EVI5: variants seen among roughly 807,000 people sequenced by gnomAD.
EVI5 encodes ecotropic viral integration site 5 protein homolog.
In EVI5, 73 loss-of-function variants were observed where a neutral mutation model predicts 112.0. The observed-to-expected ratio is 0.65, with a 90% confidence interval of 0.54 to 0.79. EVI5 has a LOEUF of 0.79. EVI5 is among the 30% of genes least tolerant of loss of function. The probability of loss-of-function intolerance (pLI) is 0.00; values close to 1 mark genes in which losing one functional copy is unlikely to be tolerated. For missense variants in EVI5, 900 were observed against 968.8 expected, an observed-to-expected ratio of 0.93 and a Z score of 0.94; for synonymous variants, 305 against 319.9, an observed-to-expected ratio of 0.95 and a Z score of 0.50.
chr1:92,525,047 C>T (rs1275397856), intron 19 of EVI5, among the ~76,000 whole-genome samples: 3 of 151,948 alleles, frequency 2.0e-5, no homozygotes, highest in African/African-American at 4.8e-5. Context: ...AGGCTGCTCT[C>T]GAACTCCTGA....
intron 19 of EVI5, among the ~76,000 whole-genome samples, chr1:92,524,119 A>G (rs1661435663): frequency 1.3e-5 from 2 of 151,100 alleles, no homozygotes; most frequent in Admixed American, 1.3e-4. Context: ...AGAAAAAAAA[A>G]AAAGAAACTG....
rs116721346 is a variant in EVI5 at position 92,643,660 on chromosome 1, C to T, written c.1393-7324G>A. On this transcript the variant is annotated intron_variant, in intron 13 of 19. Transcript: ENST00000684568. Reference sequence around the variant, plus strand: ...GAAGCAGTGATCTACTAAAGACAATCATTCTATAACTGGAACTGCAGAAAC... The same window carrying T: ...GAAGCAGTGATCTACTAAAGACAATTATTCTATAACTGGAACTGCAGAAAC... 6.0e-3 allele frequency among the ~76,000 whole-genome samples: 919 copies of T among 152,290 alleles called. 10 individuals are homozygous for T. Among genetic ancestry groups the T allele is most frequent in the African/African-American group, 0.021 (891 of 41,562 alleles).
At chr1:92,765,432 A>G (rs1682477826) in intron 1 of EVI5, among the ~76,000 whole-genome samples, 2 of 151,436 alleles carry the variant, frequency 1.3e-5, no homozygotes, top group East Asian at 3.9e-4. Context: ...CCACCAAAAC[A>G]TATAGCAAGT....
chr1:92,675,804 A>C (rs942197607), intron 10 of EVI5, among the ~76,000 whole-genome samples: 1 of 151,902 alleles, frequency 6.6e-6, no homozygotes, highest in Non-Finnish European at 1.5e-5. Flanking sequence ...AAAATACAAA[A>C]AATTAGGCGG....
At chr1:92,643,161 G>C (rs1337287253) in intron 13 of EVI5, among the ~76,000 whole-genome samples, 1 of 151,940 alleles carries the variant, frequency 6.6e-6, no homozygotes, top group Admixed American at 6.6e-5. Flanking sequence ...GGGCTTCTTG[G>C]AAAAACTCAT....
At chr1:92,635,225 A>T (rs1356707718) in intron 14 of EVI5, among the ~76,000 whole-genome samples, 1 of 152,148 alleles carries the variant, frequency 6.6e-6, no homozygotes, top group Non-Finnish European at 1.5e-5. Context: ...AGGGACATTT[A>T]AGTCTGCAGA....
rs759853633 is a variant in EVI5, at chr1:92,625,826, G to A, written c.1636C>T (p.Gln546Ter). The A allele has an allele frequency of 1.9e-6, 3 of 1,612,978 alleles. No individual in the cohort carries two copies. In the South Asian group the frequency reaches 3.3e-5, roughly 18 times the overall value. Residue 546 changes from glutamine (Q) to a stop codon, truncating the protein, a stop_gained, in exon 15 of 20, where the codon CAG (glutamine) becomes TAG (stop). Transcript: ENST00000684568. LOFTEE classifies it high-confidence loss of function. ...EAIMGLKELR[Q>*]QVKDLEEHWQ... The stretch of plus-strand genomic sequence containing the variant: ...TGTTCCTCTAAATCCTTGACTTGCT[G>A]TCTAAGTTCTTTCAAACCCATAATG...
chr1:92,661,537 G>C (rs1188068038), intron 13 of EVI5, among the ~76,000 whole-genome samples: 1 of 151,746 alleles, frequency 6.6e-6, no homozygotes, highest in Non-Finnish European at 1.5e-5. Context: ...ACTTATTTCA[G>C]GTAAATTCCT....
intron 1 of EVI5, among the ~76,000 whole-genome samples, chr1:92,739,652 G>T (rs1381987489): frequency 6.6e-6 from 1 of 151,982 alleles, no homozygotes; most frequent in Non-Finnish European, 1.5e-5. Context: ...TACAATAGTT[G>T]AATACAATCT....
At chr1:92,724,546 G>A (rs1302161555) in intron 2 of EVI5, among the ~76,000 whole-genome samples, 1 of 152,062 alleles carries the variant, frequency 6.6e-6, no homozygotes, top group African/African-American at 2.4e-5. Flanking sequence ...ACTCATTCAT[G>A]CCTGTAATTC....
At chr1:92,580,309 T>C (rs1468032089) in intron 18 of EVI5, among the ~76,000 whole-genome samples, 2 of 152,224 alleles carry the variant, frequency 1.3e-5, no homozygotes, top group East Asian at 3.8e-4. Flanking sequence ...CTAGTGATCC[T>C]GATTCATATA....
chr1:92,760,994 C>T (rs1681759875), intron 1 of EVI5, among the ~76,000 whole-genome samples: 1 of 147,172 alleles, frequency 6.8e-6, no homozygotes, highest in African/African-American at 2.5e-5. Context: ...GGAGGCGGAG[C>T]CTGCAGTGAG....
intron 18 of EVI5, among the ~76,000 whole-genome samples, chr1:92,584,264 G>A (rs922537141): frequency 7.2e-5 from 11 of 151,938 alleles, no homozygotes; most frequent in African/African-American, 2.4e-4. Context: ...GTTAAATAAT[G>A]CTTTTTTTTT....
chr1:92,558,910 C>G (rs1256446226), intron 19 of EVI5, among the ~76,000 whole-genome samples: 1 of 150,814 alleles, frequency 6.6e-6, no homozygotes, highest in African/African-American at 2.4e-5. Context: ...AAACCCCTAA[C>G]AACAACAACA....
intron 18 of EVI5, among the ~76,000 whole-genome samples, chr1:92,600,547 T>C (rs1227246796): frequency 6.6e-6 from 1 of 152,184 alleles, no homozygotes; most frequent in African/African-American, 2.4e-5. Context: ...CCCAACCTTT[T>C]TGGTACTAGT....
intron 16 of EVI5, among the ~76,000 whole-genome samples, chr1:92,615,596 A>C (rs985744972): frequency 1.3e-5 from 2 of 152,146 alleles, no homozygotes; most frequent in African/African-American, 4.8e-5. Flanking sequence ...CCCCATCCCC[A>C]GTAGTGGAAA....
chr1:92,649,317 A>C (rs1572104421), intron 13 of EVI5, among the ~76,000 whole-genome samples: 1 of 152,180 alleles, frequency 6.6e-6, no homozygotes, highest in South Asian at 2.1e-4. Flanking sequence ...ACCATTCTAC[A>C]GGTTGCCTTT....
At chr1:92,547,089 T>A (rs965299574) in intron 19 of EVI5, among the ~76,000 whole-genome samples, 2 of 152,178 alleles carry the variant, frequency 1.3e-5, no homozygotes, top group South Asian at 2.1e-4. Flanking sequence ...ATTGACCACA[T>A]AGTTGGAACT....
chr1:92,662,532 G>C (rs1011084943), intron 13 of EVI5, among the ~76,000 whole-genome samples, 187 bp downstream of exon 13: 6 of 151,950 alleles, frequency 3.9e-5, no homozygotes, highest in South Asian at 2.1e-4. Flanking sequence ...AAAAAAATTA[G>C]AACAGGAGTC....
Sources: gnomAD v4.1 joint callset for allele counts (sites outside exome capture counted in the v4.1 genomes callset) on GRCh38, gnomAD v4.1.1 for gene constraint, MANE v1.5 for transcripts, NCBI Gene and HGNC (gene_info 2026-07-23, HGNC 2026-07-21) for gene names.